The following HECW1 variants were observed in gnomAD, a reference collection of about 807,000 sequenced individuals.
HECW1 encodes the protein HECT, C2 and WW domain containing E3 ubiquitin protein ligase 1.
Under a neutral mutation model 182.3 loss-of-function variants are expected in HECW1, and 61 were observed. The ratio of observed to expected loss-of-function variants is 0.33; its 90% confidence interval spans 0.27 to 0.41. The LOEUF is 0.41. Among genes scored for constraint, HECW1 ranks in the 10% least tolerant of loss-of-function variants. The pLI, the probability that HECW1 is intolerant of heterozygous loss-of-function variation, is 1.00. For synonymous variants in HECW1, 859 were observed against 832.6 expected (o/e 1.03, Z -0.55); for missense variants, 1,739 against 2,108.9 (o/e 0.82, Z 3.44).
chr7:43,484,514 T>C (rs923695333), intron 17 of HECW1: 1 of 152,236 alleles, frequency 6.6e-6, no homozygotes, highest in Non-Finnish European at 1.5e-5. Context: ...GTGTGGGTAT[T>C]TTCTGTTCAC....
intron 2 of HECW1, among the ~76,000 whole-genome samples, chr7:43,197,485 A>G (rs1317350349): frequency 6.6e-6 from 1 of 152,208 alleles, no homozygotes; most frequent in Admixed American, 6.5e-5. Context: ...GAGCGTGCAC[A>G]GTGGCCCAAG....
intron 5 of HECW1, among the ~76,000 whole-genome samples, chr7:43,348,577 G>A (rs956954041): frequency 6.6e-6 from 1 of 151,492 alleles, no homozygotes; most frequent in African/African-American, 2.4e-5. Context: ...GTTTGTTCTT[G>A]TTTCTCTAAT....
At chr7:43,331,354 G>T (rs1811459886) in intron 5 of HECW1, among the ~76,000 whole-genome samples, 1 of 152,106 alleles carries the variant, frequency 6.6e-6, no homozygotes, top group South Asian at 2.1e-4. Flanking sequence ...ACTTTGGGAG[G>T]CTGAGGCGGG....
chr7:43,341,503 A>G (rs1812999112), intron 5 of HECW1, among the ~76,000 whole-genome samples: 1 of 151,724 alleles, frequency 6.6e-6, no homozygotes, highest in Non-Finnish European at 1.5e-5. Context: ...AGCTATCACA[A>G]TTACTTCAAA....
At chr7:43,221,706 A>G (rs1796988613) in intron 2 of HECW1, among the ~76,000 whole-genome samples, 1 of 151,210 alleles carries the variant, frequency 6.6e-6, no homozygotes, top group South Asian at 2.1e-4. Flanking sequence ...GGTGCCCACC[A>G]CCACGCCCGG....
At chr7:43,146,803 A>G (rs1396220229) in intron 2 of HECW1, among the ~76,000 whole-genome samples, 1 of 152,246 alleles carries the variant, frequency 6.6e-6, no homozygotes, top group Non-Finnish European at 1.5e-5. Context: ...GGCACTGGCC[A>G]AGCCCCATGT....
At chr7:43,151,810 A>G (rs79185941) in intron 2 of HECW1, among the ~76,000 whole-genome samples, 2 of 152,204 alleles carry the variant, frequency 1.3e-5, no homozygotes, top group East Asian at 3.8e-4. Flanking sequence ...GAACAGATGG[A>G]GAAGGGATAA....
At chr7:43,265,990 C>T (rs1251368680) in intron 3 of HECW1, among the ~76,000 whole-genome samples, 1 of 152,150 alleles carries the variant, frequency 6.6e-6, no homozygotes, top group Non-Finnish European at 1.5e-5. Flanking sequence ...GCACCACCCT[C>T]CCAGCACCCA....
intron 2 of HECW1, among the ~76,000 whole-genome samples, chr7:43,181,771 A>G (rs766709029): frequency 4.7e-5 from 7 of 150,320 alleles, no homozygotes; most frequent in Non-Finnish European, 7.4e-5. Flanking sequence ...ATATTTTCTC[A>G]TATTGTTTTT....
At chr7:43,258,955 T>C (rs1206323325) in intron 3 of HECW1, among the ~76,000 whole-genome samples, 2 of 152,208 alleles carry the variant, frequency 1.3e-5, no homozygotes, top group Non-Finnish European at 2.9e-5. Context: ...GTTTTGTTTT[T>C]GTTTTTACCA....
chr7:43,406,811 G>A (rs978738111), intron 7 of HECW1, among the ~76,000 whole-genome samples: 1 of 152,054 alleles, frequency 6.6e-6, no homozygotes, highest in Non-Finnish European at 1.5e-5. Flanking sequence ...CCAGCTACTC[G>A]AGAGGCTGAG....
At chr7:43,264,021 A>G (rs1285622657) in intron 3 of HECW1, among the ~76,000 whole-genome samples, 1 of 152,200 alleles carries the variant, frequency 6.6e-6, no homozygotes, top group Non-Finnish European at 1.5e-5. Flanking sequence ...ATGTTTTTAT[A>G]TACGTTTATA....
intron 17 of HECW1, among the ~76,000 whole-genome samples, chr7:43,482,834 G>A (rs904347324): frequency 6.6e-6 from 1 of 152,134 alleles, no homozygotes; most frequent in Admixed American, 6.5e-5. Flanking sequence ...GAGCCTGGGA[G>A]GTAGAGGCTG....
intron 3 of HECW1, among the ~76,000 whole-genome samples, chr7:43,306,460 C>T (rs1807588327): frequency 6.6e-6 from 1 of 151,888 alleles, no homozygotes; most frequent in African/African-American, 2.4e-5. Context: ...CAGGCATCTT[C>T]TTGATCAAAG....
At chr7:43,278,632 C>T (rs902811251) in intron 3 of HECW1, among the ~76,000 whole-genome samples, 1 of 152,060 alleles carries the variant, frequency 6.6e-6, no homozygotes, top group African/African-American at 2.4e-5. Context: ...CCTTCCCCTC[C>T]TCTCTCTCCA....
At chr7:43,113,981 T>A (rs1784848339) in intron 1 of HECW1, 176 bp from the exon 2 acceptor site, 1 of 315,510 alleles carries the variant, frequency 3.2e-6, no homozygotes, top group Non-Finnish European at 6.0e-6. Context: ...CGGCTTCCTG[T>A]GGTTCCGGGC....
intron 6 of HECW1, among the ~76,000 whole-genome samples, chr7:43,371,324 G>A (rs953415196): frequency 6.6e-6 from 1 of 152,200 alleles, no homozygotes; most frequent in Non-Finnish European, 1.5e-5. Flanking sequence ...TGCCAGGGTA[G>A]GCTCATCAAG....
At chr7:43,358,603 A>G (rs900860795) in intron 5 of HECW1, among the ~76,000 whole-genome samples, 16 of 152,224 alleles carry the variant, frequency 1.1e-4, no homozygotes, top group Admixed American at 3.3e-4. Context: ...TAAATAGCTG[A>G]TTAAAATTTA....
At chr7:43,225,763 G>A (rs1201982980) in intron 2 of HECW1, among the ~76,000 whole-genome samples, 2 of 151,986 alleles carry the variant, frequency 1.3e-5, no homozygotes, top group Non-Finnish European at 2.9e-5. Flanking sequence ...AATCTACATA[G>A]GATGCCATGA....
Sources: allele counts gnomAD v4.1 joint callset (sites outside exome capture counted in the v4.1 genomes callset), GRCh38; gene constraint gnomAD v4.1.1; transcripts MANE v1.5; gene names NCBI Gene and HGNC (gene_info 2026-07-23, HGNC 2026-07-21).